The following MTFR2 variants were observed in gnomAD, a reference collection of about 807,000 sequenced individuals.
MTFR2 encodes the protein mitochondrial fission regulator 2, also known as DUF729 domain-containing protein 1.
Under a neutral mutation model 41.2 loss-of-function variants are expected in MTFR2, and 44 were observed. The ratio of observed to expected loss-of-function variants is 1.07; its 90% CI spans 0.84 to 1.37. MTFR2 has a LOEUF of 1.37. MTFR2 is among the 40% of genes most tolerant of loss of function. MTFR2 has a pLI of 0.00. For missense variants in MTFR2, 452 were observed against 459.5 expected (o/e 0.98, Z 0.15); for synonymous variants, 141 against 154.6 (o/e 0.91, Z 0.65).
chr6:136,249,048 G>A lies in MTFR2; in HGVS notation c.52C>T (p.Pro18Ser). Residue 18 changes from proline (P) to serine (S), a missense_variant, in exon 2 of 8, where the codon CCT (proline) becomes TCT (serine). By Grantham distance (74) the Pro-to-Ser change is moderately conservative. Coordinates refer to ENST00000420702, the MANE Select transcript of MTFR2 (RefSeq NM_001099286.3). Reference sequence around the variant, plus strand: ...AAAACGACATTTACCTGTTCTACAGGAACGCCAAAATATTCCAGCATCTCT... The same window carrying A: ...AAAACGACATTTACCTGTTCTACAGAAACGCCAAAATATTCCAGCATCTCT... Reference protein sequence around the residue: ...LREMLEYFGVPVEQVLLIWEN... With the variant: ...LREMLEYFGVSVEQVLLIWEN... 1.3e-6 allele frequency: 2 copies of A among 1,598,670 alleles called. No homozygotes were observed. The highest frequency in any genetic ancestry group is 1.7e-6 in the Non-Finnish European group (2 of 1,175,896).
chr6:136,235,338 A>G (rs1228928604), intron 6 of MTFR2, among the ~76,000 whole-genome samples: 1 of 146,404 alleles, frequency 6.8e-6, no homozygotes, highest in African/African-American at 2.8e-5. Context: ...GATACCTGTG[A>G]GACAGGCAAA....
chr6:136,231,269 T>C lies in MTFR2; in HGVS notation c.*6A>G. On this transcript the variant is annotated 3_prime_UTR_variant, in exon 8 of 8. Coordinates refer to ENST00000420702, the MANE Select transcript of MTFR2 (RefSeq NM_001099286.3). ...TGGAAGTTTAAAGCTCAACCTTAAGTTGAGTTTAAATCCTTGAGTTTAGAA... is the reference window on the plus strand; with the variant it reads ...TGGAAGTTTAAAGCTCAACCTTAAGCTGAGTTTAAATCCTTGAGTTTAGAA... 3 of 1,581,278 alleles carry C rather than the reference T, an allele frequency of 1.9e-6. No homozygotes were observed. The highest frequency in any genetic ancestry group is 2.3e-5 in the South Asian group (2 of 88,294).
At chr6:136,240,857 C>T (rs571010785) in intron 5 of MTFR2, among the ~76,000 whole-genome samples, 4,739 of 152,190 alleles carry the variant, frequency 0.031, 102 homozygotes, top group Non-Finnish European at 0.048. Flanking sequence ...TTTGGGAGGC[C>T]AAGGCGGGCA....
At chr6:136,239,141 T>C (rs1779981414) in intron 6 of MTFR2, among the ~76,000 whole-genome samples, 1 of 152,204 alleles carries the variant, frequency 6.6e-6, no homozygotes, top group Non-Finnish European at 1.5e-5. Context: ...GGTTTAACTA[T>C]TTCAGGAAGA....
At chr6:136,244,960 A>C in intron 2 of MTFR2, 91 bp from the exon 3 acceptor site, 1 of 949,690 alleles carries the variant, frequency 1.1e-6, no homozygotes, top group Non-Finnish European at 1.5e-6. Context: ...AAGACAAAAA[A>C]GACGCAGTGG....
At position 136,239,504 on chromosome 6, in the gene MTFR2, T is replaced by C. The variant is rs1779990804; in HGVS notation, c.831A>G (p.Leu277=). 1 of 1,614,062 alleles carries C rather than the reference T, an allele frequency of 6.2e-7. No individual in the cohort carries two copies. The highest frequency in any genetic ancestry group is 1.3e-5 in the African/African-American group (1 of 75,040). Residue 277 remains leucine, a synonymous_variant, in exon 6 of 8, where the codon CTA becomes CTG. Coordinates refer to ENST00000420702, the MANE Select transcript of MTFR2 (RefSeq NM_001099286.3). ...NKDIPNMLDV[L]KDMNKVKLRA... ...GAAGCTTAACCTTATTCATATCCTTTAGAACGTCCAACATGTTTGGAATAT... is the reference window on the plus strand; with the variant it reads ...GAAGCTTAACCTTATTCATATCCTTCAGAACGTCCAACATGTTTGGAATAT...
Position 136,239,598 on chromosome 6 carries a change from A to T in MTFR2, c.737T>A (p.Met246Lys). ...ICDSDNPATE[M>K]SKQNPAANKT... is the part of the protein sequence containing the mutation. ...ATTAGCAGCCGGGTTCTGTTTGCTC[A>T]TTTCAGTTGCTGGATTATCTGAGTC... Residue 246 changes from methionine (M) to lysine (K), a missense_variant, in exon 6 of 8, where the codon ATG (methionine) becomes AAG (lysine). Met to Lys is a moderately conservative substitution (Grantham distance 95). Coordinates refer to ENST00000420702, the MANE Select transcript of MTFR2 (RefSeq NM_001099286.3). 1.9e-6 allele frequency: 3 copies of T among 1,614,050 alleles called. No homozygotes were observed. The highest frequency in any genetic ancestry group is 2.5e-6 in the Non-Finnish European group (3 of 1,180,022).
At position 136,249,137 on chromosome 6, in the gene MTFR2, T is replaced by TCAAAGG. The variant is rs1780295152; in HGVS notation, c.-39_-38insCCTTTG. The TCAAAGG allele has an allele frequency of 6.5e-7, 1 of 1,529,534 alleles. No homozygotes were observed. Among genetic ancestry groups the TCAAAGG allele is most frequent in the Non-Finnish European group, 8.8e-7 (1 of 1,139,982 alleles). The allele number at this position is 1,529,534 out of a possible 1,614,324, so 94.7% of individuals were successfully genotyped here. ...TACAGAAGCCAATTCAAAGGAACAT[T>TCAAAGG]ATCAGTTTCTTGGTGCCTTTGGGGA... On this transcript the variant is annotated 5_prime_UTR_variant, in exon 2 of 8. Transcript: ENST00000420702.
At chr6:136,242,214 G>A (rs553811157) in intron 4 of MTFR2, among the ~76,000 whole-genome samples, 10 of 151,908 alleles carry the variant, frequency 6.6e-5, no homozygotes, top group Admixed American at 2.0e-4. Flanking sequence ...AGCCTCCAAT[G>A]GAGGACCAGT....
At chr6:136,242,133 T>TTTC (rs552359042) in intron 4 of MTFR2, among the ~76,000 whole-genome samples, 277 of 150,438 alleles carry the variant, frequency 1.8e-3, no homozygotes, top group Middle Eastern at 0.017. Context: ...CCCATGATTG[T>TTTC]TTCTAGAGTC....
chr6:136,239,668 G>A lies in MTFR2; in HGVS notation c.667C>T (p.Pro223Ser), dbSNP rs1562209680. 6.2e-7 allele frequency: 1 copy of A among 1,614,028 alleles called. No homozygotes were observed. Among genetic ancestry groups the A allele is most frequent in the East Asian group, 2.2e-5 (1 of 44,840 alleles). The change falls in exon 6 of 8, where the codon CCA becomes TCA. Residue 223 changes from proline to serine, a missense_variant. Coordinates refer to ENST00000420702, the MANE Select transcript of MTFR2 (RefSeq NM_001099286.3). ...PLPPQFSSLQ[P>S]PCFPPVQPGS... is the part of the protein sequence containing the mutation. ...GGTTGTACGGGAGGAAAACACGGTGGCTGGAGAGATGAAAACTGAGGAGGA... is the reference window on the plus strand; with the variant it reads ...GGTTGTACGGGAGGAAAACACGGTGACTGGAGAGATGAAAACTGAGGAGGA...
intron 2 of MTFR2, among the ~76,000 whole-genome samples, chr6:136,246,034 T>C (rs1035069712): frequency 2.9e-4 from 44 of 152,164 alleles, no homozygotes; most frequent in African/African-American, 1.1e-3. Flanking sequence ...TGAGCATTTA[T>C]ATTTAAAGTG....
chr6:136,231,829 A>G lies in MTFR2; in HGVS notation c.1045-441T>C, dbSNP rs185861559. Among the ~76,000 whole-genome samples, 491 of 152,262 alleles carry G rather than the reference A, an allele frequency of 3.2e-3. 1 individual carries two copies. The highest frequency in any genetic ancestry group is 0.011 in the African/African-American group (442 of 41,536). On this transcript the variant is annotated intron_variant, in intron 7 of 7. Transcript: ENST00000420702. ...GGAAACAGTGTGTTCCACCTACGGG[A>G]ACTTCTTACATAAATGCATCCTCAA...
chr6:136,235,839 G>A (rs1371674987), intron 6 of MTFR2, among the ~76,000 whole-genome samples: 1 of 152,192 alleles, frequency 6.6e-6, no homozygotes, highest in Non-Finnish European at 1.5e-5. Flanking sequence ...GGCCGAGGCA[G>A]GAGAATCACT....
Position 136,241,422 on chromosome 6 carries a change from C to T in MTFR2, c.514+22G>A, listed in dbSNP as rs950205019. 3 of 1,588,400 alleles carry T rather than the reference C, an allele frequency of 1.9e-6. No individual in the cohort carries two copies. The Admixed American group carries it at 5.2e-5, about 28-fold the overall frequency. On this transcript the variant is annotated intron_variant, in intron 5 of 7. Coordinates refer to ENST00000420702, the MANE Select transcript of MTFR2 (RefSeq NM_001099286.3). ...TACCATGAGTATCATCTAACTGAAA[C>T]AAAAATCCTACTGTTACTTACTAGA...
chr6:136,244,718 G>T, intron 3 of MTFR2, 47 bp downstream of exon 3: 10 of 1,280,108 alleles, frequency 7.8e-6, no homozygotes, highest in Non-Finnish European at 1.1e-5. Context: ...GAGTACCTAG[G>T]ATTATTTTGT....
rs1472787965 is a variant in MTFR2 at position 136,241,531 on chromosome 6, C to G, written c.427G>C (p.Ala143Pro). ...AAAGTCAGCTCATTTTCAAGGGCAG[C>G]TATTTTTCTAATTGCAGCTTCATTT... ...PVNEAAIRKI[A>P]ALENELTFLR... Residue 143 changes from alanine (A) to proline (P), a missense_variant, in exon 5 of 8, where the codon GCT becomes CCT. Transcript: ENST00000420702. 1.2e-6 allele frequency: 2 copies of G among 1,614,136 alleles called. No individual in the cohort carries two copies. Among genetic ancestry groups the G allele is most frequent in the East Asian group, 4.5e-5 (2 of 44,874 alleles).
intron 3 of MTFR2, 59 bp downstream of exon 3, chr6:136,244,699 TACCTGTA>T: frequency 9.1e-7 from 1 of 1,104,544 alleles, no homozygotes. Context: ...TTCTACCCCA[TACCTGTA>T]AGAGTACCTA....
intron 1 of MTFR2, among the ~76,000 whole-genome samples, 177 bp from the exon 2 acceptor site, chr6:136,249,330 A>C (rs1233339175): frequency 6.6e-6 from 1 of 152,214 alleles, no homozygotes; most frequent in African/African-American, 2.4e-5. Flanking sequence ...GAGGGTTGTA[A>C]AGGAAATTTC....
Sources: gnomAD v4.1 joint callset for allele counts (sites outside exome capture counted in the v4.1 genomes callset) on GRCh38, gnomAD v4.1.1 for gene constraint, MANE v1.5 for transcripts, NCBI Gene and HGNC (gene_info 2026-07-23, HGNC 2026-07-21) for gene names.